Variants in PRKCA observed in about 807,000 individuals in gnomAD.
PRKCA encodes the protein protein kinase C alpha type.
In PRKCA, 27 loss-of-function variants were observed where a neutral mutation model predicts 87.0. That is an observed-to-expected ratio of 0.31 (90% CI 0.23 to 0.43). PRKCA has a LOEUF of 0.43. PRKCA is among the 20% of genes least tolerant of loss of function. The pLI, the probability that PRKCA is intolerant of heterozygous loss-of-function variation, is 1.00. For synonymous variants in PRKCA, 329 were observed against 311.1 expected, an observed-to-expected ratio of 1.06 and a Z score of -0.61; for missense variants, 518 against 852.3, an observed-to-expected ratio of 0.61 and a Z score of 4.88.
chr17:66,455,211 A>T (rs1914528244), intron 2 of PRKCA, among the ~76,000 whole-genome samples: 1 of 152,220 alleles, frequency 6.6e-6, no homozygotes. Context: ...CACACCGTCT[A>T]TTTGGCAATA....
At chr17:66,676,559 C>A (rs1441336976) in intron 5 of PRKCA, 1 of 152,330 alleles carries the variant, frequency 6.6e-6, no homozygotes, top group Non-Finnish European at 1.5e-5. Flanking sequence ...TAAAGAATGG[C>A]CCTGTGGATG....
chr17:66,570,922 AAAT>A (rs1969062114), intron 3 of PRKCA, among the ~76,000 whole-genome samples: 1 of 152,098 alleles, frequency 6.6e-6, no homozygotes, highest in Non-Finnish European at 1.5e-5. Flanking sequence ...CTCCTCCTGA[AAAT>A]AATATTAAAT....
chr17:66,377,014 G>GATTTATTTATTT (rs142218103), intron 2 of PRKCA, among the ~76,000 whole-genome samples: 32 of 150,830 alleles, frequency 2.1e-4, no homozygotes, highest in African/African-American at 6.8e-4. Context: ...AAAGCCTCCG[G>GATTTATTTATTT]ATTTATTTAT....
At chr17:66,684,409 C>T (rs371027010) in intron 5 of PRKCA, among the ~76,000 whole-genome samples, 1 of 152,234 alleles carries the variant, frequency 6.6e-6, no homozygotes, top group Non-Finnish European at 1.5e-5. Context: ...AGATCCTACA[C>T]TCTGAGCAGA....
At chr17:66,534,724 T>C (rs927442330) in intron 3 of PRKCA, among the ~76,000 whole-genome samples, 2 of 152,192 alleles carry the variant, frequency 1.3e-5, no homozygotes, top group Non-Finnish European at 2.9e-5. Context: ...GGGCCCAATG[T>C]ATTTGAGTAA....
At chr17:66,510,934 A>G (rs1917198996) in intron 3 of PRKCA, among the ~76,000 whole-genome samples, 1 of 151,892 alleles carries the variant, frequency 6.6e-6, no homozygotes. Flanking sequence ...TTTTGTAGAG[A>G]CGGGATTTTG....
At chr17:66,439,523 C>A (rs1437770616) in intron 2 of PRKCA, among the ~76,000 whole-genome samples, 1 of 152,184 alleles carries the variant, frequency 6.6e-6, no homozygotes, top group Non-Finnish European at 1.5e-5. Flanking sequence ...GTTGCTCTAC[C>A]ATTTCCACAA....
chr17:66,363,678 C>A (rs1908527110), intron 2 of PRKCA, among the ~76,000 whole-genome samples: 1 of 149,492 alleles, frequency 6.7e-6, no homozygotes, highest in Non-Finnish European at 1.5e-5. Flanking sequence ...TAGAAATGGA[C>A]AAACTAGGGA....
At chr17:66,643,295 G>T (rs528377041) in intron 4 of PRKCA, among the ~76,000 whole-genome samples, 4 of 152,106 alleles carry the variant, frequency 2.6e-5, no homozygotes. Flanking sequence ...CGTTAGACAC[G>T]GTTCCTGTTT....
chr17:66,441,152 A>C (rs1913725528), intron 2 of PRKCA, among the ~76,000 whole-genome samples: 1 of 139,078 alleles, frequency 7.2e-6, no homozygotes. Context: ...ACAAAGCGAA[A>C]CTCTGTCTCC....
At chr17:66,636,413 A>T (rs1971153527) in intron 3 of PRKCA, among the ~76,000 whole-genome samples, 1 of 152,248 alleles carries the variant, frequency 6.6e-6, no homozygotes, top group South Asian at 2.1e-4. Context: ...TTAACAAAAC[A>T]CCACTCAGGG....
chr17:66,545,196 A>G (rs957977359), intron 3 of PRKCA, among the ~76,000 whole-genome samples: 5 of 152,144 alleles, frequency 3.3e-5, no homozygotes, highest in African/African-American at 1.2e-4. Context: ...TGGGAGGCCA[A>G]GGCGGGCAGA....
intron 3 of PRKCA, among the ~76,000 whole-genome samples, chr17:66,541,296 C>T (rs560248557): frequency 2.0e-5 from 3 of 152,146 alleles, no homozygotes; most frequent in Non-Finnish European, 4.4e-5. Context: ...TCTTGTGGTA[C>T]GTGCTCCTGC....
chr17:66,594,141 A>G (rs1354472485), intron 3 of PRKCA, among the ~76,000 whole-genome samples: 1 of 152,228 alleles, frequency 6.6e-6, no homozygotes, highest in Admixed American at 6.5e-5. Context: ...GTCTGGTACA[A>G]TGGAGGATTC....
intron 2 of PRKCA, among the ~76,000 whole-genome samples, chr17:66,401,010 G>A (rs955522235): frequency 2.0e-5 from 3 of 152,140 alleles, no homozygotes; most frequent in African/African-American, 7.2e-5. Flanking sequence ...AGTATTTGGG[G>A]TGTTTCTTTT....
intron 14 of PRKCA, chr17:66,777,669 C>T: frequency 1.0e-6 from 1 of 985,360 alleles, no homozygotes. Flanking sequence ...CTCTTGATCC[C>T]ACTTGAATGT....
intron 2 of PRKCA, among the ~76,000 whole-genome samples, chr17:66,411,722 G>A (rs1013116675): frequency 6.6e-6 from 1 of 152,136 alleles, no homozygotes; most frequent in African/African-American, 2.4e-5. Flanking sequence ...ACTAGCGGCC[G>A]TCCTGATCTT....
chr17:66,765,416 G>GTGTATATATATA (rs1276368624), intron 13 of PRKCA, among the ~76,000 whole-genome samples: 3 of 16,032 alleles, frequency 1.9e-4, no homozygotes, highest in African/African-American at 6.6e-4. Context: ...GCAAGACTTT[G>GTGTATATATATA]TCTATATATA....
chr17:66,441,268 C>T (rs1306381032), intron 2 of PRKCA, among the ~76,000 whole-genome samples: 3 of 151,430 alleles, frequency 2.0e-5, no homozygotes, highest in African/African-American at 4.9e-5. Context: ...GGCCTGAGGC[C>T]AGGAGTTCGA....
Sources: gnomAD v4.1 joint callset for allele counts (sites outside exome capture counted in the v4.1 genomes callset) on GRCh38, gnomAD v4.1.1 for gene constraint, MANE v1.5 for transcripts, NCBI Gene and HGNC (gene_info 2026-07-23, HGNC 2026-07-21) for gene names.